Variants in SACS observed in about 807,000 individuals in gnomAD.
SACS encodes the protein sacsin.
SACS carries 197 observed loss-of-function variants against 348.0 expected under a neutral mutation model. The ratio of observed to expected loss-of-function variants is 0.57; its 90% confidence interval spans 0.50 to 0.64. The LOEUF (loss-of-function observed/expected upper bound fraction) is 0.64. Among genes scored for constraint, SACS ranks in the 30% least tolerant of loss-of-function variants. The pLI is 0.00. For synonymous variants in SACS, 1,985 were observed against 1,910.6 expected (o/e 1.04, Z -1.02); for missense variants, 4,999 against 5,360.8 (o/e 0.93, Z 2.11).
intron 2 of SACS, among the ~76,000 whole-genome samples, chr13:23,391,112 C>T (rs547763826): frequency 6.6e-6 from 1 of 152,372 alleles, no homozygotes; most frequent in East Asian, 1.9e-4. Flanking sequence ...AATATAAACT[C>T]ATGTGGCGGA....
chr13:23,433,526 G>C (rs17078773), intron 1 of SACS, 89 bp downstream of exon 1: 1 of 152,324 alleles, frequency 6.6e-6, no homozygotes, highest in East Asian at 1.9e-4. Context: ...TCAGGGGACG[G>C]ATGGCCAACA....
At chr13:23,400,445 G>C (rs1566102800) in intron 2 of SACS, among the ~76,000 whole-genome samples, 1 of 151,976 alleles carries the variant, frequency 6.6e-6, no homozygotes, top group Non-Finnish European at 1.5e-5. Context: ...TTTTGAGAAG[G>C]GGTCTCGCTC....
intron 1 of SACS, chr13:23,426,958 T>C (rs924395986): frequency 6.6e-6 from 1 of 152,198 alleles, no homozygotes; most frequent in Non-Finnish European, 1.5e-5. Flanking sequence ...TCCTTCTCTT[T>C]CTTTTCAGAA....
intron 2 of SACS, chr13:23,375,515 T>G (rs948929249): frequency 1.8e-6 from 2 of 1,109,580 alleles, no homozygotes; most frequent in East Asian, 5.2e-5. Context: ...GAGGAAACGC[T>G]AGAGGAAGCC....
At chr13:23,411,151 T>C (rs1873463772) in intron 2 of SACS, 69 bp downstream of exon 2, 4 of 1,375,068 alleles carry the variant, frequency 2.9e-6, no homozygotes, top group Middle Eastern at 1.8e-4. Context: ...TATGTTTCAT[T>C]TGGGAAAATC....
chr13:23,349,195 G>A lies in SACS; in HGVS notation c.2185+4590C>T, dbSNP rs1352719783. ...TGCAAGAGTCCAGTAACAACATTACGAGAAATTAGAGGACCTGTAATAGGC... is the reference window on the plus strand; with the variant it reads ...TGCAAGAGTCCAGTAACAACATTACAAGAAATTAGAGGACCTGTAATAGGC... On this transcript the variant is annotated intron_variant, in intron 9 of 9. Transcript: ENST00000382292. Among the ~76,000 whole-genome samples the A allele has an allele frequency of 2.6e-5, 4 of 152,174 alleles. No homozygotes were observed. In the East Asian group the frequency reaches 5.8e-4, roughly 22 times the overall value.
chr13:23,336,969 A>T lies in SACS; in HGVS notation c.6907T>A (p.Ser2303Thr), dbSNP rs773265764. 2 of 1,613,796 alleles carry T rather than the reference A, an allele frequency of 1.2e-6. No homozygotes were observed. The highest frequency in any genetic ancestry group is 2.7e-5 in the African/African-American group (2 of 74,884). ...TACAGTGTAATTCCATCATCAACTG[A>T]TTTTGCTACTTCTTTCAATTGGTTT... ...VINQLKEVAKSVDDGITLYQE... is the reference protein window; with the variant it reads ...VINQLKEVAKTVDDGITLYQE... Residue 2303 changes from serine (S) to threonine (T), a missense_variant, in exon 10 of 10, where the codon TCA becomes ACA. Ser to Thr is a moderately conservative substitution (Grantham distance 58). Around this residue, in one of 6 missense-constraint regions of SACS, gnomAD observed 3,156 missense variants for 3,380.1 expected, o/e 0.93. Transcript: ENST00000382292.
chr13:23,429,345 A>ATT (rs536939164), intron 1 of SACS, among the ~76,000 whole-genome samples: 6,839 of 51,380 alleles, frequency 0.13, 2,522 homozygotes, highest in Non-Finnish European at 0.19. Flanking sequence ...TGAGGTAGGG[A>ATT]TTTTTTTTTT....
intron 9 of SACS, 88 bp from the exon 10 acceptor site, chr13:23,341,778 T>TTA: frequency 1.5e-5 from 11 of 717,508 alleles, no homozygotes; most frequent in Admixed American, 3.5e-5. Context: ...TACTGGAAGG[T>TTA]TCTTTTTTTT....
intron 2 of SACS, among the ~76,000 whole-genome samples, chr13:23,406,711 T>A (rs1873234001): frequency 6.6e-6 from 1 of 152,086 alleles, no homozygotes; most frequent in South Asian, 2.1e-4. Context: ...AAACCTGACT[T>A]TAAAAAATTA....
At position 23,333,769 on chromosome 13, in the gene SACS, G is replaced by A. The variant is rs1484636544; in HGVS notation, c.10107C>T (p.Val3369=). ...TTTCTGCTCTAAATGTTGAAGTTTG[G>A]ACCATATAATGTAGAGCCTTCAAGA... ...TSILKALHYM[V]QTSTFRAEKL... The change falls in exon 10 of 10, where the codon GTC becomes GTT. Residue 3369 remains valine (V), a synonymous_variant. Transcript: ENST00000382292. 1.2e-6 allele frequency: 2 copies of A among 1,613,638 alleles called. No homozygotes were observed. The highest frequency in any genetic ancestry group is 1.3e-5 in the African/African-American group (1 of 74,868).
At chr13:23,403,020 C>CAA (rs538082483) in intron 2 of SACS, among the ~76,000 whole-genome samples, 310 of 151,676 alleles carry the variant, frequency 2.0e-3, no homozygotes, top group African/African-American at 7.2e-3. Context: ...ACTAAAAATA[C>CAA]AAAAAAAATT....
intron 2 of SACS, among the ~76,000 whole-genome samples, chr13:23,410,826 T>G (rs182499508): frequency 4.3e-4 from 66 of 152,286 alleles, no homozygotes; most frequent in African/African-American, 1.5e-3. Flanking sequence ...CTCTCTCCCC[T>G]CTCCCTCTCT....
At position 23,332,483 on chromosome 13, in the gene SACS, A is replaced by G; in HGVS notation, c.11393T>C (p.Met3798Thr). The G allele has an allele frequency of 1.9e-6, 3 of 1,614,014 alleles. No individual in the cohort carries two copies. The highest frequency in any genetic ancestry group is 2.5e-6 in the Non-Finnish European group (3 of 1,179,898). Reference sequence around the variant, plus strand: ...CAGAAGTTTCCAACCATCTTCTACCATCACAAAAGCAACCCCTCGCAACTG... The same window carrying G: ...CAGAAGTTTCCAACCATCTTCTACCGTCACAAAAGCAACCCCTCGCAACTG... The part of the protein sequence containing the change: ...RFQLRGVAFV[M>T]VEDGWKLLKP... Residue 3798 changes from methionine to threonine, a missense_variant, in exon 10 of 10, where the codon ATG becomes ACG. Met to Thr is a moderately conservative substitution (Grantham distance 81). This residue lies in a region of SACS where 831 missense variants were observed against 941.8 expected (regional missense o/e 0.88). Coordinates refer to ENST00000382292, the MANE Select transcript of SACS (RefSeq NM_014363.6).
intron 9 of SACS, among the ~76,000 whole-genome samples, chr13:23,347,171 A>C (rs1869659567): frequency 6.6e-6 from 1 of 152,224 alleles, no homozygotes; most frequent in African/African-American, 2.4e-5. Context: ...CTTTTTGCAC[A>C]GGCTATCATG....
At chr13:23,344,485 G>A (rs141929733) in intron 9 of SACS, among the ~76,000 whole-genome samples, 2 of 152,296 alleles carry the variant, frequency 1.3e-5, no homozygotes, top group African/African-American at 2.4e-5. Context: ...AGAAAATGTA[G>A]TAAGACACCG....
chr13:23,400,588 T>C (rs1835984099), intron 2 of SACS, among the ~76,000 whole-genome samples: 1 of 152,188 alleles, frequency 6.6e-6, no homozygotes, highest in African/African-American at 2.4e-5. Context: ...ACCCGGCTAA[T>C]TTTTTGTATT....
rs368628225 is a variant in SACS, at chr13:23,353,769, T to C, written c.2185+16A>G. ...TTATATAGAAGTTTATTTAAAAGAATACTAAACTATAATACCTCGGGTTTG... is the reference window on the plus strand; with the variant it reads ...TTATATAGAAGTTTATTTAAAAGAACACTAAACTATAATACCTCGGGTTTG... On this transcript the variant is annotated intron_variant, in intron 9 of 9. Transcript: ENST00000382292. The C allele has an allele frequency of 2.0e-4, 282 of 1,419,746 alleles. No individual in the cohort carries two copies. The African/African-American group carries it at 3.8e-3, about 19-fold the overall frequency. The allele number at this position is 1,419,746 out of a possible 1,614,324, so 87.9% of individuals were successfully genotyped here.
intron 1 of SACS, among the ~76,000 whole-genome samples, chr13:23,433,160 A>G (rs1321938501): frequency 3.9e-5 from 6 of 152,158 alleles, no homozygotes; most frequent in Admixed American, 1.3e-4. Context: ...ACCGTAAGCT[A>G]CTTTGAGAAT....
Sources: allele counts gnomAD v4.1 joint callset (sites outside exome capture counted in the v4.1 genomes callset), GRCh38; gene constraint gnomAD v4.1.1; regional missense constraint gnomAD v4.1.1; transcripts MANE v1.5; gene names NCBI Gene and HGNC (gene_info 2026-07-23, HGNC 2026-07-21).